Variants in TRAPPC8 observed in about 807,000 individuals in gnomAD.
TRAPPC8 encodes the protein trafficking protein particle complex subunit 8.
A neutral mutation model predicts 174.3 loss-of-function variants in TRAPPC8; 54 were observed. The ratio of observed to expected loss-of-function variants is 0.31; its 90% CI spans 0.25 to 0.39. The LOEUF is 0.39. Ranked by LOEUF, TRAPPC8 falls within the 10% of genes least tolerant of loss-of-function variation. The pLI is 1.00. For missense variants in TRAPPC8, 1,531 were observed against 1,699.1 expected (o/e 0.90, Z 1.74); for synonymous variants, 630 against 579.9 (o/e 1.09, Z -1.24).
intron 11 of TRAPPC8, among the ~76,000 whole-genome samples, chr18:31,895,069 A>C (rs2036128048): frequency 6.6e-6 from 1 of 152,178 alleles, no homozygotes; most frequent in Non-Finnish European, 1.5e-5. Context: ...CACTTGACCA[A>C]AAATTTGCAG....
At chr18:31,863,975 A>T (rs570324650) in intron 19 of TRAPPC8, among the ~76,000 whole-genome samples, 1 of 149,530 alleles carries the variant, frequency 6.7e-6, no homozygotes, top group Admixed American at 6.7e-5. Flanking sequence ...GTATAATACT[A>T]AAGTATTATA....
At chr18:31,844,240 AAAG>A (rs1156376290) in intron 26 of TRAPPC8, 2 of 152,242 alleles carry the variant, frequency 1.3e-5, no homozygotes, top group African/African-American at 4.8e-5. Flanking sequence ...AAGTTGAATA[AAAG>A]AAGCCGAGGT....
At chr18:31,922,213 ATAAAT>A (rs1332417760) in intron 2 of TRAPPC8, among the ~76,000 whole-genome samples, 1 of 152,246 alleles carries the variant, frequency 6.6e-6, no homozygotes, top group African/African-American at 2.4e-5. Flanking sequence ...ATAATTAAAA[ATAAAT>A]TAAAAAGCAA....
chr18:31,853,937 T>C lies in TRAPPC8; in HGVS notation c.3345A>G (p.Ala1115=). 2 of 1,607,096 alleles carry C rather than the reference T, an allele frequency of 1.2e-6. No homozygotes were observed. The highest frequency in any genetic ancestry group is 1.7e-6 in the Non-Finnish European group (2 of 1,178,226). The change falls in exon 22 of 29, where the codon GCA becomes GCG. Residue 1115 remains alanine (A), a synonymous_variant. Coordinates refer to ENST00000283351, the MANE Select transcript of TRAPPC8 (RefSeq NM_014939.5). ...VDVENTNTSE[A]GVKEFHIVQV... is the part of the protein sequence containing the mutation. The stretch of plus-strand genomic sequence containing the variant: ...GCACTATGTGGAATTCCTTAACGCC[T>C]GCTTCACTCTGTCAAAAAAAAAGAT...
intron 2 of TRAPPC8, among the ~76,000 whole-genome samples, chr18:31,927,275 T>C (rs919118706): frequency 2.0e-5 from 3 of 146,798 alleles, no homozygotes; most frequent in Non-Finnish European, 4.5e-5. Flanking sequence ...ACCCAACTAA[T>C]TTTTTTTTTT....
At chr18:31,927,976 G>A (rs1035270598) in intron 2 of TRAPPC8, among the ~76,000 whole-genome samples, 5 of 151,712 alleles carry the variant, frequency 3.3e-5, no homozygotes, top group Admixed American at 6.6e-5. Flanking sequence ...CCAACATGGT[G>A]AAACCCCGTC....
chr18:31,829,244 TTA>T lies in TRAPPC8; in HGVS notation c.*1509_*1510del, dbSNP rs2032229638. 1 of 152,178 alleles carries T rather than the reference TTA, an allele frequency of 6.6e-6. No individual in the cohort carries two copies. The highest frequency in any genetic ancestry group is 2.4e-5 in the African/African-American group (1 of 41,440). The allele number at this position is 152,178 out of a possible 1,614,324, so 9.4% of individuals were successfully genotyped here. ...ATTTTTAATATATTCAGTTGTAGGT[TTA>T]TATAGTTTAATTTTTTTATTAGTGT... On this transcript the variant is annotated 3_prime_UTR_variant, in exon 29 of 29. Coordinates refer to ENST00000283351, the MANE Select transcript of TRAPPC8 (RefSeq NM_014939.5).
At chr18:31,920,566 T>C (rs2037339705) in intron 2 of TRAPPC8, among the ~76,000 whole-genome samples, 1 of 151,710 alleles carries the variant, frequency 6.6e-6, no homozygotes, top group South Asian at 2.1e-4. Flanking sequence ...TTTGGGAGGC[T>C]GAGGCAGGCA....
In TRAPPC8 at chr18:31,909,113, C is replaced by T. The variant is rs115338308; in HGVS notation, c.866-103G>A. ...AAAAAAAAAAGCAGAATGTTAAAAT[C>T]CTTTATCTTTCAGTATAGGTAAATG... On this transcript the variant is annotated intron_variant, in intron 6 of 28. Coordinates refer to ENST00000283351, the MANE Select transcript of TRAPPC8 (RefSeq NM_014939.5). 1,394 of 1,153,322 alleles carry T rather than the reference C, an allele frequency of 1.2e-3. 12 individuals are homozygous for T. The African/African-American group carries it at 0.02, about 17-fold the overall frequency. The allele number at this position is 1,153,322 out of a possible 1,614,324, so 71.4% of individuals were successfully genotyped here.
intron 9 of TRAPPC8, among the ~76,000 whole-genome samples, chr18:31,902,676 T>C (rs895285560): frequency 2.6e-5 from 4 of 152,186 alleles, no homozygotes; most frequent in African/African-American, 9.7e-5. Context: ...AGGTTGCCAC[T>C]GGAGATGGGG....
chr18:31,874,559 C>T lies in TRAPPC8; in HGVS notation c.1874G>A (p.Arg625Lys). The change falls in exon 13 of 29, where the codon AGG becomes AAG. Residue 625 changes from arginine to lysine, a missense_variant. By Grantham distance (26) the Arg-to-Lys change is conservative (BLOSUM62 2). Coordinates refer to ENST00000283351, the MANE Select transcript of TRAPPC8 (RefSeq NM_014939.5). ...TTTACTTTCATTAATTAGAATATGC[C>T]TAAAAGCAGACACAGCATTATCCAG... The part of the protein sequence containing the change: ...RQLDNAVSAF[R>K]HILINESKQS... The T allele has an allele frequency of 6.2e-7, 1 of 1,614,052 alleles. No individual in the cohort carries two copies. The highest frequency in any genetic ancestry group is 1.1e-5 in the South Asian group (1 of 91,082).
intron 20 of TRAPPC8, among the ~76,000 whole-genome samples, chr18:31,856,268 A>T (rs1035988698): frequency 6.6e-6 from 1 of 151,894 alleles, no homozygotes; most frequent in African/African-American, 2.4e-5. Context: ...ACCACACCCT[A>T]TAATTTTTGT....
intron 20 of TRAPPC8, among the ~76,000 whole-genome samples, chr18:31,857,339 G>A (rs1016938481): frequency 6.6e-6 from 1 of 152,116 alleles, no homozygotes; most frequent in Non-Finnish European, 1.5e-5. Flanking sequence ...CTAAAAAAAT[G>A]TGTGCCGTTA....
intron 1 of TRAPPC8, 177 bp downstream of exon 1, chr18:31,942,431 C>G (rs2144346747): frequency 1.4e-6 from 1 of 732,578 alleles, no homozygotes; most frequent in Middle Eastern, 4.2e-4. Context: ...GCTGTCTTGA[C>G]AACCTCACGG....
chr18:31,882,803 G>A (rs532639437), intron 12 of TRAPPC8, among the ~76,000 whole-genome samples: 1 of 151,192 alleles, frequency 6.6e-6, no homozygotes, highest in Admixed American at 6.6e-5. Flanking sequence ...TTTTAATAGA[G>A]ATGGGATTCC....
intron 14 of TRAPPC8, 114 bp from the exon 15 acceptor site, chr18:31,871,234 G>T: frequency 2.0e-6 from 1 of 507,028 alleles, no homozygotes. Flanking sequence ...ATTCACTCTT[G>T]CCTATTTCTA....
intron 27 of TRAPPC8, among the ~76,000 whole-genome samples, chr18:31,837,315 G>A (rs1244982098): frequency 1.8e-5 from 2 of 114,106 alleles, no homozygotes; most frequent in Non-Finnish European, 3.8e-5. Context: ...CTTTGGAGAC[G>A]TTACTATGTA....
At chr18:31,914,983 A>G (rs1036331153) in intron 4 of TRAPPC8, among the ~76,000 whole-genome samples, 38 of 152,246 alleles carry the variant, frequency 2.5e-4, no homozygotes, top group African/African-American at 9.2e-4. Flanking sequence ...ACAGTGGAAA[A>G]AGTGCCTGTA....
intron 21 of TRAPPC8, among the ~76,000 whole-genome samples, chr18:31,855,212 ATAT>A (rs1276529830): frequency 6.6e-6 from 1 of 152,116 alleles, no homozygotes; most frequent in East Asian, 1.9e-4. Flanking sequence ...GTTCATTTTT[ATAT>A]TAGAGTGCAT....
Sources: allele counts gnomAD v4.1 joint callset (sites outside exome capture counted in the v4.1 genomes callset), GRCh38; gene constraint gnomAD v4.1.1; transcripts MANE v1.5; gene names NCBI Gene and HGNC (gene_info 2026-07-23, HGNC 2026-07-21).